The following TKFC variants were observed in gnomAD, a reference collection of about 807,000 sequenced individuals.
The protein encoded by TKFC is triokinase/FMN cyclase.
TKFC carries 46 observed loss-of-function variants against 61.0 expected under a neutral mutation model. That is an observed-to-expected ratio of 0.75 (90% CI 0.60 to 0.96). TKFC has a LOEUF of 0.96. Among genes scored for constraint, TKFC ranks in the 50% least tolerant of loss-of-function variants. TKFC has a pLI of 0.00. For synonymous variants in TKFC, 314 were observed against 330.1 expected (o/e 0.95, Z 0.53); for missense variants, 715 against 777.5 (o/e 0.92, Z 0.96).
At chr11:61,341,154 G>A (rs917986178) in intron 5 of TKFC, among the ~76,000 whole-genome samples, 1 of 152,104 alleles carries the variant, frequency 6.6e-6, no homozygotes, top group African/African-American at 2.4e-5. Flanking sequence ...GCCACCCACT[G>A]GCTGTGTGAC....
Position 61,347,894 on chromosome 11 carries a change from TGA to T in TKFC, c.*1395_*1396del. ...CAGCACAGTCCAAGTGCTCACTCACTGAGAGTTACGGTTATCACAGGGGTTGG... is the reference window on the plus strand; with the variant it reads ...CAGCACAGTCCAAGTGCTCACTCACTGAGTTACGGTTATCACAGGGGTTGG... On this transcript the variant is annotated 3_prime_UTR_variant, in exon 18 of 18. Transcript: ENST00000394900. 6 of 985,436 alleles carry T rather than the reference TGA, an allele frequency of 6.1e-6. No homozygotes were observed. The South Asian group carries it at 2.3e-4, about 39-fold the overall frequency. 61.0% of individuals were successfully genotyped at this position (985,436 alleles called of 1,614,324 possible). A position where few individuals can be genotyped will look rare whatever the true frequency, so the allele number is the denominator to read the frequency against.
At chr11:61,341,360 T>C in intron 5 of TKFC, 76 bp from the exon 6 acceptor site, 1 of 1,495,334 alleles carries the variant, frequency 6.7e-7, no homozygotes, top group Admixed American at 2.0e-5. Flanking sequence ...AAGAAATTCA[T>C]CCCCTGCCTG....
At position 61,342,787 on chromosome 11, in the gene TKFC, G is replaced by A. The variant is rs1477806362; in HGVS notation, c.808G>A (p.Gly270Ser). The change falls in exon 10 of 18, where the codon GGT (glycine) becomes AGT (serine). Residue 270 changes from glycine (G) to serine (S), a missense_variant. Transcript: ENST00000394900. ...SSVVMMVNNLGGLSFLELGII... is the reference protein window; with the variant it reads ...SSVVMMVNNLSGLSFLELGII... Reference sequence around the variant, plus strand: ...AGTTGTGATGATGGTCAACAACCTGGGTGGCCTGTCATTCCTGGAACTGGG... The same window carrying A: ...AGTTGTGATGATGGTCAACAACCTGAGTGGCCTGTCATTCCTGGAACTGGG... 6.2e-7 allele frequency: 1 copy of A among 1,614,020 alleles called. No individual in the cohort carries two copies. Among genetic ancestry groups the A allele is most frequent in the African/African-American group, 1.3e-5 (1 of 75,026 alleles).
At chr11:61,343,137 G>A (rs530151628) in intron 10 of TKFC, 317 of 614,394 alleles carry the variant, frequency 5.2e-4, no homozygotes, top group Non-Finnish European at 7.5e-4. Flanking sequence ...AATGAGACCT[G>A]TAATTACTCA....
At chr11:61,342,336 T>A in intron 7 of TKFC, 125 bp from the exon 8 acceptor site, 1 of 1,221,524 alleles carries the variant, frequency 8.2e-7, no homozygotes, top group Non-Finnish European at 1.2e-6. Flanking sequence ...CATTATTCTG[T>A]CCATTTCCAT....
chr11:61,350,787 G>C, downstream of TKFC: 1 of 695,002 alleles, frequency 1.4e-6, no homozygotes, highest in Non-Finnish European at 2.3e-6. Flanking sequence ...CCAATGGACA[G>C]ACTGGGGAGT....
rs1286376800 is a variant in TKFC at position 61,348,363 on chromosome 11, G to A, written c.*1860G>A. 1 of 984,660 alleles carries A rather than the reference G, an allele frequency of 1.0e-6. No individual in the cohort carries two copies. The highest frequency in any genetic ancestry group is 1.2e-6 in the Non-Finnish European group (1 of 829,796). The allele number at this position is 984,660 out of a possible 1,614,324, so 61.0% of individuals were successfully genotyped here. A position where few individuals can be genotyped will look rare whatever the true frequency, so the allele number is the denominator to read the frequency against. ...TTCCATGAAGACAGAGGATCATGTG[G>A]ATCTTTGGTGCCTTCCGGTTGGCCC... On this transcript the variant is annotated 3_prime_UTR_variant, in exon 18 of 18. Transcript: ENST00000394900.
In TKFC at chr11:61,338,122, C is replaced by T. The variant is rs1247921046; in HGVS notation, c.185C>T (p.Ala62Val). ...LSGGGSGHEP[A>V]HAGFIGKGML... Reference sequence around the variant, plus strand: ...GGTGGGGGCTCTGGCCATGAGCCTGCCCATGCTGGTGAGTATCCTGGGGTG... The same window carrying T: ...GGTGGGGGCTCTGGCCATGAGCCTGTCCATGCTGGTGAGTATCCTGGGGTG... Residue 62 changes from alanine (A) to valine (V), a missense_variant, in exon 3 of 18, where the codon GCC becomes GTC. Physicochemically the swap from Ala to Val is moderately conservative, Grantham distance 64. Coordinates refer to ENST00000394900, the MANE Select transcript of TKFC (RefSeq NM_015533.4). 1 of 1,593,748 alleles carries T rather than the reference C, an allele frequency of 6.3e-7. No individual in the cohort carries two copies. The highest frequency in any genetic ancestry group is 1.1e-5 in the South Asian group (1 of 89,580).
rs1309041212 is a variant in TKFC, at chr11:61,338,138, T to C, written c.193+8T>C. 2 of 1,574,232 alleles carry C rather than the reference T, an allele frequency of 1.3e-6. No homozygotes were observed. Among genetic ancestry groups the C allele is most frequent in the Non-Finnish European group, 1.7e-6 (2 of 1,165,730 alleles). On this transcript the variant is annotated splice_region_variant and intron_variant, in intron 3 of 17. Transcript: ENST00000394900. ...ATGAGCCTGCCCATGCTGGTGAGTA[T>C]CCTGGGGTGGGGCAGGGGGTACTAG...
downstream of TKFC, chr11:61,349,746 G>A: frequency 1.5e-6 from 1 of 669,344 alleles, no homozygotes; most frequent in South Asian, 1.6e-5. Context: ...AAGCTGCGTG[G>A]GCCGCCACTC....
chr11:61,341,310 C>A, intron 5 of TKFC, 126 bp from the exon 6 acceptor site: 2 of 1,006,100 alleles, frequency 2.0e-6, no homozygotes, highest in Non-Finnish European at 3.0e-6. Flanking sequence ...TGTGATGGGC[C>A]AGGTTGAGTG....
At chr11:61,343,051 T>C (rs1194894314) in intron 10 of TKFC, 1 of 626,782 alleles carries the variant, frequency 1.6e-6, no homozygotes, top group East Asian at 2.7e-5. Flanking sequence ...TTTATACCGT[T>C]GTTTTGAGGA....
intron 3 of TKFC, 97 bp from the exon 4 acceptor site, chr11:61,338,969 G>T (rs185331377): frequency 1.9e-6 from 2 of 1,029,874 alleles, no homozygotes; most frequent in Non-Finnish European, 2.9e-6. Flanking sequence ...GCACACAGTA[G>T]GGCTCACCAA....
chr11:61,333,826 C>T (rs986118275), intron 1 of TKFC: 1 of 152,260 alleles, frequency 6.6e-6, no homozygotes, highest in Non-Finnish European at 1.5e-5. Flanking sequence ...TACCACGTGG[C>T]TTGGCACACT....
At chr11:61,350,886 T>C (rs1857373302), downstream of TKFC, 3 of 1,464,040 alleles carry the variant, frequency 2.0e-6, no homozygotes, top group Admixed American at 2.5e-5. Context: ...GGTTTCCTGC[T>C]GTGCCACAGG....
Position 61,345,480 on chromosome 11 carries a change from A to C in TKFC, c.1366A>C (p.Thr456Pro). The change falls in exon 15 of 18, where the codon ACT becomes CCT. Residue 456 changes from threonine (T) to proline (P), a missense_variant. Coordinates refer to ENST00000394900, the MANE Select transcript of TKFC (RefSeq NM_015533.4). The part of the protein sequence containing the change: ...SSGALYGLFL[T>P]AAAQPLKAKT... Reference sequence around the variant, plus strand: ...TCCCCAGCTCTATGGCCTGTTCCTGACTGCGGCTGCACAGCCCCTGAAGGC... The same window carrying C: ...TCCCCAGCTCTATGGCCTGTTCCTGCCTGCGGCTGCACAGCCCCTGAAGGC... 1 of 1,613,324 alleles carries C rather than the reference A, an allele frequency of 6.2e-7. No homozygotes were observed. The highest frequency in any genetic ancestry group is 8.5e-7 in the Non-Finnish European group (1 of 1,180,008).
chr11:61,351,172 C>A, downstream of TKFC: 1 of 1,590,914 alleles, frequency 6.3e-7, no homozygotes, highest in Non-Finnish European at 8.6e-7. Context: ...ACAATGTGAG[C>A]CCTCGAGAGA....
chr11:61,337,809 A>G, intron 2 of TKFC, 132 bp from the exon 3 acceptor site: 1 of 786,872 alleles, frequency 1.3e-6, no homozygotes, highest in Non-Finnish European at 1.9e-6. Context: ...CGCCCAACTC[A>G]AGGAAGTCCT....
chr11:61,347,854 A>ACCTGTCCTGAGGCTTTTACAAAT lies in TKFC; in HGVS notation c.*1351_*1352insCCTGTCCTGAGGCTTTTACAAAT. The ACCTGTCCTGAGGCTTTTACAAAT allele has an allele frequency of 3.1e-5, 30 of 979,754 alleles. No homozygotes were observed. Among genetic ancestry groups the ACCTGTCCTGAGGCTTTTACAAAT allele is most frequent in the Non-Finnish European group, 3.5e-5 (29 of 824,700 alleles). 60.7% of individuals were successfully genotyped at this position (979,754 alleles called of 1,614,324 possible). A position where few individuals can be genotyped will look rare whatever the true frequency, so the allele number is the denominator to read the frequency against. On this transcript the variant is annotated 3_prime_UTR_variant, in exon 18 of 18. Coordinates refer to ENST00000394900, the MANE Select transcript of TKFC (RefSeq NM_015533.4). ...AAAGGATTCAAATGAATTGATGAAGATGGGCCATAAAGCCCAGCACAGTCC... is the reference window on the plus strand; with the variant it reads ...AAAGGATTCAAATGAATTGATGAAGACCTGTCCTGAGGCTTTTACAAATTGGGCCATAAAGCCCAGCACAGTCC...
Sources: allele counts gnomAD v4.1 joint callset (sites outside exome capture counted in the v4.1 genomes callset), GRCh38; gene constraint gnomAD v4.1.1; transcripts MANE v1.5; gene names NCBI Gene and HGNC (gene_info 2026-07-23, HGNC 2026-07-21).